Variants in ATXN1 observed in about 807,000 individuals in gnomAD.
ATXN1 encodes the protein ataxin-1.
A neutral mutation model predicts 56.4 loss-of-function variants in ATXN1; 8 were observed. That is an observed-to-expected ratio of 0.14 (90% CI 0.08 to 0.26). The LOEUF (loss-of-function observed/expected upper bound fraction) is 0.26, where lower values mean the gene tolerates loss of function less well. ATXN1 is among the 10% of genes least tolerant of loss of function. The probability of loss-of-function intolerance (pLI) is 1.00; values close to 1 mark genes in which losing one functional copy is unlikely to be tolerated. For synonymous variants in ATXN1, 514 were observed against 494.6 expected (o/e 1.04, Z -0.52); for missense variants, 987 against 1,106.5 (o/e 0.89, Z 1.53).
intron 2 of ATXN1, among the ~76,000 whole-genome samples, chr6:16,715,974 C>G (rs1473655022): frequency 6.6e-6 from 1 of 152,200 alleles, no homozygotes; most frequent in Admixed American, 6.5e-5. Context: ...TGCTGCAATT[C>G]TCTACCTGAA....
chr6:16,566,641 C>T (rs1274449398), intron 4 of ATXN1, among the ~76,000 whole-genome samples: 1 of 151,962 alleles, frequency 6.6e-6, no homozygotes, highest in East Asian at 1.9e-4. Context: ...ATCACGAGGT[C>T]AGGAGATCAA....
chr6:16,411,225 C>T (rs1233596516), intron 6 of ATXN1, among the ~76,000 whole-genome samples: 2 of 151,380 alleles, frequency 1.3e-5, no homozygotes, highest in South Asian at 2.1e-4. Flanking sequence ...AGCTATTAGT[C>T]TGTTCTCTTC....
intron 6 of ATXN1, among the ~76,000 whole-genome samples, chr6:16,400,098 TC>T (rs773690733): frequency 8.1e-4 from 123 of 152,252 alleles, no homozygotes; most frequent in Non-Finnish European, 1.4e-3. Flanking sequence ...GCTGGGGGCT[TC>T]CTAGACACTT....
Position 16,606,287 on chromosome 6 carries a change from C to T in ATXN1, c.-488-20380G>A, listed in dbSNP as rs150549450. On this transcript the variant is annotated intron_variant, in intron 3 of 7. Coordinates refer to ENST00000436367, the MANE Select transcript of ATXN1 (RefSeq NM_001128164.2). ...AATAAATATTTCTTTACTATGTCTC[C>T]TTACATAGTGCTGCTAAGAAAGCCT... is the stretch of plus-strand genomic sequence containing the variant. Among the ~76,000 whole-genome samples the T allele has an allele frequency of 1.9e-4, 29 of 152,282 alleles. No homozygotes were observed. In the East Asian group the frequency reaches 5.0e-3, roughly 26 times the overall value.
At chr6:16,366,836 A>G (rs928275455) in intron 6 of ATXN1, among the ~76,000 whole-genome samples, 1 of 151,884 alleles carries the variant, frequency 6.6e-6, no homozygotes, top group African/African-American at 2.4e-5. Flanking sequence ...ATCAACCCAC[A>G]TGTTACATGT....
At chr6:16,439,028 C>G (rs1452825351) in intron 6 of ATXN1, among the ~76,000 whole-genome samples, 1 of 151,926 alleles carries the variant, frequency 6.6e-6, no homozygotes, top group Non-Finnish European at 1.5e-5. Context: ...CAAAGTTACC[C>G]TTTCATTACT....
rs376608374 is a variant in ATXN1, at chr6:16,662,862, T to C, written c.-614-4961A>G. Among the ~76,000 whole-genome samples, 8 of 152,202 alleles carry C rather than the reference T, an allele frequency of 5.3e-5. No individual in the cohort carries two copies. The East Asian group carries it at 1.5e-3, about 29-fold the overall frequency. On this transcript the variant is annotated intron_variant, in intron 2 of 7. Transcript: ENST00000436367. ...GCCAACGCTGTAATAAATAGTCCTA[T>C]AAACTGAATGTCTTTTTGCAATTGT...
intron 4 of ATXN1, among the ~76,000 whole-genome samples, chr6:16,541,442 T>C (rs997768813): frequency 1.3e-5 from 2 of 152,198 alleles, no homozygotes; most frequent in African/African-American, 4.8e-5. Context: ...CTTCTGTATT[T>C]GTTCCTTTTT....
At position 16,509,951 on chromosome 6, in the gene ATXN1, C is replaced by T. The variant is rs113049083; in HGVS notation, c.-299+12676G>A. On this transcript the variant is annotated intron_variant, in intron 5 of 7. Coordinates refer to ENST00000436367, the MANE Select transcript of ATXN1 (RefSeq NM_001128164.2). The stretch of plus-strand genomic sequence containing the variant: ...CTGCGTCTCTGGTCTCAATGGCCCT[C>T]GCACGCCTCCCCGCAATCCCTGTTG... Among the ~76,000 whole-genome samples, 994 of 152,230 alleles carry T rather than the reference C, an allele frequency of 6.5e-3. 7 individuals are homozygous for T. Among genetic ancestry groups the T allele is most frequent in the African/African-American group, 0.022 (930 of 41,522 alleles).
intron 6 of ATXN1, among the ~76,000 whole-genome samples, chr6:16,413,907 A>G (rs1361216661): frequency 6.6e-6 from 1 of 152,214 alleles, no homozygotes; most frequent in Admixed American, 6.5e-5. Flanking sequence ...GTTACTTTAC[A>G]TTCCTATAAC....
At chr6:16,417,314 C>T (rs569530987) in intron 6 of ATXN1, among the ~76,000 whole-genome samples, 137 of 152,280 alleles carry the variant, frequency 9.0e-4, no homozygotes, top group Middle Eastern at 3.4e-3. Flanking sequence ...GGATTACAGG[C>T]GCAAGCCACC....
At chr6:16,712,833 G>A (rs953642952) in intron 2 of ATXN1, among the ~76,000 whole-genome samples, 12 of 151,564 alleles carry the variant, frequency 7.9e-5, no homozygotes, top group Non-Finnish European at 1.8e-4. Context: ...ACTGCCATTC[G>A]CCATTTATAG....
At chr6:16,604,359 C>A (rs1292424038) in intron 3 of ATXN1, among the ~76,000 whole-genome samples, 1 of 150,512 alleles carries the variant, frequency 6.6e-6, no homozygotes, top group African/African-American at 2.4e-5. Context: ...TATCGTGGCA[C>A]GTGGTGCACA....
intron 3 of ATXN1, among the ~76,000 whole-genome samples, chr6:16,632,205 G>A (rs73725205): frequency 0.076 from 11,496 of 152,090 alleles, 1,442 homozygotes; most frequent in African/African-American, 0.26. Context: ...CTCAGCCACT[G>A]GCACCATGTT....
intron 6 of ATXN1, among the ~76,000 whole-genome samples, chr6:16,445,508 T>G (rs544066131): frequency 6.6e-6 from 1 of 152,034 alleles, no homozygotes; most frequent in South Asian, 2.1e-4. Flanking sequence ...GTTTGATATT[T>G]CTTTTTTTTT....
At chr6:16,730,110 C>T (rs1049780392) in intron 2 of ATXN1, among the ~76,000 whole-genome samples, 3 of 152,178 alleles carry the variant, frequency 2.0e-5, no homozygotes, top group African/African-American at 7.2e-5. Flanking sequence ...CGGTGAAACC[C>T]AATCTCTACT....
chr6:16,414,007 T>A (rs1413560908), intron 6 of ATXN1, among the ~76,000 whole-genome samples: 8 of 152,210 alleles, frequency 5.3e-5, no homozygotes, highest in African/African-American at 1.4e-4. Flanking sequence ...GAACATTGAT[T>A]GTTTGTAAAA....
intron 6 of ATXN1, among the ~76,000 whole-genome samples, chr6:16,484,485 T>G (rs1760501304): frequency 6.6e-6 from 1 of 152,038 alleles, no homozygotes; most frequent in South Asian, 2.1e-4. Flanking sequence ...TACACAGACT[T>G]GCAAAATATT....
rs759653615 is a variant in ATXN1 at position 16,327,081 on chromosome 6, G to T, written c.1230C>A (p.Leu410=). 6.2e-7 allele frequency: 1 copy of T among 1,613,908 alleles called. No homozygotes were observed. Among genetic ancestry groups the T allele is most frequent in the South Asian group, 1.1e-5 (1 of 91,080 alleles). The part of the protein sequence containing the change: ...ATHREASPST[L]NDKSGLHLGK... Reference sequence around the variant, plus strand: ...CTAAATGCAGGCCACTTTTGTCGTTGAGGGTAGAAGGGGAGGCTTCACGAT... The same window carrying T: ...CTAAATGCAGGCCACTTTTGTCGTTTAGGGTAGAAGGGGAGGCTTCACGAT... The change falls in exon 7 of 8, where the codon CTC becomes CTA. Residue 410 remains leucine, a synonymous_variant. Coordinates refer to ENST00000436367, the MANE Select transcript of ATXN1 (RefSeq NM_001128164.2).
Sources: gnomAD v4.1 joint callset for allele counts (sites outside exome capture counted in the v4.1 genomes callset) on GRCh38, gnomAD v4.1.1 for gene constraint, MANE v1.5 for transcripts, NCBI Gene and HGNC (gene_info 2026-07-23, HGNC 2026-07-21) for gene names.